Variants in PSMA1 observed in about 807,000 individuals in gnomAD.
PSMA1 encodes proteasome 20S subunit alpha 1, also known as proteasome subunit alpha type-1.
PSMA1 carries 3 observed loss-of-function variants against 38.4 expected under a neutral mutation model. The observed-to-expected ratio is 0.08, with a 90% CI of 0.04 to 0.20. The LOEUF (loss-of-function observed/expected upper bound fraction) is 0.20, where lower values mean the gene tolerates loss of function less well. Ranked by LOEUF, PSMA1 falls within the 10% of genes least tolerant of loss-of-function variation. PSMA1 has a pLI of 1.00. For missense variants in PSMA1, 227 were observed against 325.3 expected, an observed-to-expected ratio of 0.70 and a Z score of 2.32; for synonymous variants, 101 against 107.1, an observed-to-expected ratio of 0.94 and a Z score of 0.35.
Position 14,640,829 on chromosome 11 carries a change from G to A in PSMA1, c.-166+2626C>T, listed in dbSNP as rs529825890. ...GGATGACTCTAGTTTTATAAATTTGGAATCTCAATGATACTGGTTAATTTA... is the reference window on the plus strand; with the variant it reads ...GGATGACTCTAGTTTTATAAATTTGAAATCTCAATGATACTGGTTAATTTA... On this transcript the variant is annotated intron_variant, in intron 1 of 10. Coordinates refer to the PSMA1 transcript ENST00000418988. Among the ~76,000 whole-genome samples, 89 of 152,218 alleles carry A rather than the reference G, an allele frequency of 5.8e-4. 2 individuals are homozygous for A. Among genetic ancestry groups the A allele is most frequent in the African/African-American group, 2.1e-3 (87 of 41,520 alleles).
chr11:14,628,531 G>A lies in PSMA1; in HGVS notation c.-166+14924C>T, dbSNP rs1230532932. 4.0e-5 allele frequency among the ~76,000 whole-genome samples: 6 copies of A among 150,540 alleles called. No individual in the cohort carries two copies. The East Asian group carries it at 1.2e-3, about 29-fold the overall frequency. The stretch of plus-strand genomic sequence containing the variant: ...TTATGGCTGCATAGTATTCCATGGT[G>A]TATATGTGCCACATTTTCTTCATCC... On this transcript the variant is annotated intron_variant, in intron 1 of 10. Coordinates refer to the PSMA1 transcript ENST00000418988.
intron 2 of PSMA1, among the ~76,000 whole-genome samples, chr11:14,564,108 A>G (rs190128241): frequency 2.8e-3 from 421 of 152,352 alleles, no homozygotes; most frequent in African/African-American, 9.5e-3. Context: ...ATACAGAACC[A>G]CAACCAGCAT....
intron 2 of PSMA1, among the ~76,000 whole-genome samples, chr11:14,576,586 T>C (rs867176427): frequency 6.6e-6 from 1 of 152,166 alleles, no homozygotes; most frequent in Non-Finnish European, 1.5e-5. Flanking sequence ...GATCAGATGG[T>C]TGTAGATGTG....
chr11:14,572,242 A>G lies in PSMA1; in HGVS notation c.21+38724T>C, dbSNP rs190141067. On this transcript the variant is annotated intron_variant, in intron 2 of 10. Transcript: ENST00000418988. ...CTCGGCACCACATCGCACTTATTTC[A>G]AAATTGACCACATATTTGGAAGTAA... is the stretch of plus-strand genomic sequence containing the variant. 7.9e-5 allele frequency among the ~76,000 whole-genome samples: 12 copies of G among 152,332 alleles called. 1 individual carries two copies. Among genetic ancestry groups the G allele is most frequent in the African/African-American group, 2.9e-4 (12 of 41,580 alleles).
chr11:14,592,394 A>AT lies in PSMA1; in HGVS notation c.21+18571dup, dbSNP rs757886405. 2.3e-3 allele frequency among the ~76,000 whole-genome samples: 318 copies of AT among 138,110 alleles called. 1 individual carries two copies. The highest frequency in any genetic ancestry group is 3.8e-3 in the African/African-American group (136 of 35,660). The allele number at this position is 138,110 out of a possible 152,430, so 90.6% of individuals were successfully genotyped here. ...TCTCTCTCTATATATATATATATAT[A>AT]TTTTTTTTTTAGATGGAGTCTCGCT... On this transcript the variant is annotated intron_variant, in intron 2 of 10. Transcript: ENST00000418988.
At chr11:14,524,904 C>G (rs1851569944), upstream of PSMA1, among the ~76,000 whole-genome samples, 1 of 152,112 alleles carries the variant, frequency 6.6e-6, no homozygotes, top group Non-Finnish European at 1.5e-5. Flanking sequence ...AACTCTGGTC[C>G]AAGGCTCTGA....
At chr11:14,637,805 C>G (rs776964488) in intron 1 of PSMA1, among the ~76,000 whole-genome samples, 4 of 152,048 alleles carry the variant, frequency 2.6e-5, no homozygotes, top group Non-Finnish European at 5.9e-5. Context: ...AGAAAGAGAG[C>G]TATTTACTTG....
At chr11:14,590,032 T>C (rs1483870895) in intron 2 of PSMA1, among the ~76,000 whole-genome samples, 2 of 152,336 alleles carry the variant, frequency 1.3e-5, no homozygotes, top group African/African-American at 2.4e-5. Flanking sequence ...GAGGAAGTTC[T>C]GATGCATGCT....
chr11:14,601,068 T>C (rs568177551), intron 2 of PSMA1, among the ~76,000 whole-genome samples: 144 of 152,338 alleles, frequency 9.5e-4, no homozygotes, highest in African/African-American at 3.2e-3. Flanking sequence ...ATGTCATGCA[T>C]TATTCCATTT....
chr11:14,610,854 A>G, intron 2 of PSMA1: 1 of 1,078,992 alleles, frequency 9.3e-7, no homozygotes, highest in Non-Finnish European at 1.4e-6. Context: ...TTTCTAGCCT[A>G]GAGATGCGTT....
intron 1 of PSMA1, among the ~76,000 whole-genome samples, chr11:14,620,522 T>G (rs1331902991): frequency 6.6e-6 from 1 of 152,240 alleles, no homozygotes; most frequent in Non-Finnish European, 1.5e-5. Context: ...ACCATCTGGA[T>G]GTTAAAAGTG....
intron 2 of PSMA1, among the ~76,000 whole-genome samples, chr11:14,583,885 C>G (rs541872692): frequency 2.0e-4 from 31 of 152,136 alleles, no homozygotes; most frequent in Non-Finnish European, 4.0e-4. Context: ...AAAACGGCAG[C>G]CTCTTTTCAC....
intron 2 of PSMA1, among the ~76,000 whole-genome samples, chr11:14,535,168 T>TC (rs1458889067): frequency 6.6e-6 from 1 of 151,660 alleles, no homozygotes; most frequent in Non-Finnish European, 1.5e-5. Context: ...GGTTTTTTTT[T>TC]TTTCTGGCAA....
chr11:14,536,292 C>T (rs1405052315), intron 2 of PSMA1, among the ~76,000 whole-genome samples: 1 of 152,048 alleles, frequency 6.6e-6, no homozygotes, highest in Admixed American at 6.6e-5. Context: ...TTTGGGAGGC[C>T]GAGGGGGGCG....
rs1852273693 is a variant in PSMA1 at position 14,580,870 on chromosome 11, C to T, written c.21+30096G>A. Among the ~76,000 whole-genome samples the T allele has an allele frequency of 2.0e-5, 3 of 152,134 alleles. No homozygotes were observed. In the South Asian group the frequency reaches 6.2e-4, roughly 32 times the overall value. Reference sequence around the variant, plus strand: ...GTTGTTTAAGAAGATTAGGAGCCCTCAGTTCATTCTCCCATCTTCAGCATG... The same window carrying T: ...GTTGTTTAAGAAGATTAGGAGCCCTTAGTTCATTCTCCCATCTTCAGCATG... On this transcript the variant is annotated intron_variant, in intron 2 of 10. Transcript: ENST00000418988.
At chr11:14,528,577 C>A (rs951918046) in intron 2 of PSMA1, among the ~76,000 whole-genome samples, 5 of 152,256 alleles carry the variant, frequency 3.3e-5, no homozygotes, top group Middle Eastern at 6.8e-3. Context: ...GCTGCCCCAA[C>A]TCTTTACCAC....
At chr11:14,531,901 G>T (rs983244206) in intron 2 of PSMA1, among the ~76,000 whole-genome samples, 22 of 152,172 alleles carry the variant, frequency 1.4e-4, no homozygotes, top group African/African-American at 4.8e-4. Context: ...ATAGGAAAGA[G>T]ATATCAGATT....
intron 2 of PSMA1, among the ~76,000 whole-genome samples, chr11:14,605,597 G>A (rs1191032439): frequency 2.0e-5 from 3 of 152,046 alleles, no homozygotes; most frequent in African/African-American, 7.2e-5. Context: ...ATGTTGCCCA[G>A]GCTGGTCTCA....
chr11:14,603,225 T>G (rs1206850345), intron 2 of PSMA1, among the ~76,000 whole-genome samples: 1 of 152,178 alleles, frequency 6.6e-6, no homozygotes, highest in Non-Finnish European at 1.5e-5. Context: ...GAGAAGTAAT[T>G]CACCAGGTAG....
Sources: gnomAD v4.1 joint callset for allele counts (sites outside exome capture counted in the v4.1 genomes callset) on GRCh38, gnomAD v4.1.1 for gene constraint, MANE v1.5 for transcripts, NCBI Gene and HGNC (gene_info 2026-07-23, HGNC 2026-07-21) for gene names.